Variants in SERPINA3 observed in about 807,000 individuals in gnomAD.
SERPINA3 encodes serpin family A member 3.
SERPINA3 carries 32 observed loss-of-function variants against 26.8 expected under a neutral mutation model. That is an observed-to-expected ratio of 1.20 (90% CI 0.90 to 1.61). The LOEUF is 1.61. Among genes scored for constraint, SERPINA3 ranks in the 40% most tolerant of loss-of-function variants. The probability of loss-of-function intolerance (pLI) is 0.00; values close to 1 mark genes in which losing one functional copy is unlikely to be tolerated. For missense variants in SERPINA3, 632 were observed against 517.9 expected, an observed-to-expected ratio of 1.22 and a Z score of -2.14; for synonymous variants, 252 against 206.4, an observed-to-expected ratio of 1.22 and a Z score of -1.89.
chr14:94,615,131 A>C, intron 2 of SERPINA3, 47 bp downstream of exon 2: 2 of 1,595,872 alleles, frequency 1.3e-6, no homozygotes, highest in South Asian at 2.2e-5. Flanking sequence ...TCTCAGGGCC[A>C]TTTCTGTCCT....
intron 4 of SERPINA3, among the ~76,000 whole-genome samples, chr14:94,623,161 G>A (rs1033220008): frequency 6.6e-6 from 1 of 152,212 alleles, no homozygotes; most frequent in African/African-American, 2.4e-5. Flanking sequence ...GGATGTTTAA[G>A]CTAGAGCAGG....
intron 4 of SERPINA3, chr14:94,622,706 C>T (rs1886251121): frequency 1.6e-6 from 1 of 608,370 alleles, no homozygotes; most frequent in Non-Finnish European, 3.0e-6. Context: ...AACATAATGT[C>T]ATCCAGGCTT....
intron 2 of SERPINA3, 64 bp from the exon 3 acceptor site, chr14:94,619,131 A>AAGCAGGGTCG: frequency 2.5e-6 from 4 of 1,593,460 alleles, no homozygotes; most frequent in Non-Finnish European, 3.4e-6. Flanking sequence ...ACTGCTGCGG[A>AAGCAGGGTCG]AGCAGGGTCG....
chr14:94,622,030 G>C (rs1228535047), intron 3 of SERPINA3, among the ~76,000 whole-genome samples: 1 of 152,220 alleles, frequency 6.6e-6, no homozygotes, highest in African/African-American at 2.4e-5. Context: ...CACACTCAGG[G>C]GTCCCTGCTG....
In SERPINA3 at chr14:94,623,787, C is replaced by A. The variant is rs774521930; in HGVS notation, c.1245C>A (p.Ser415Arg). The change falls in exon 5 of 5, where the codon AGC (serine) becomes AGA (arginine). Residue 415 changes from serine to arginine, a missense_variant. Physicochemically the swap from Ser to Arg is moderately radical, Grantham distance 110. Transcript: ENST00000393078. ...PTDTQNIFFM[S>R]KVTNPKQA is the part of the protein sequence containing the mutation. ...ACACCCAGAACATCTTCTTCATGAG[C>A]AAAGTCACCAATCCCAAGCAAGCCT... 6.9e-5 allele frequency: 111 copies of A among 1,613,988 alleles called. No homozygotes were observed. The highest frequency in any genetic ancestry group is 8.6e-5 in the Non-Finnish European group (102 of 1,180,032).
chr14:94,614,197 C>G, intron 1 of SERPINA3: 1 of 556,410 alleles, frequency 1.8e-6, no homozygotes, highest in Admixed American at 3.0e-5. Context: ...CCTCACCGCT[C>G]TGTGCCCGGC....
chr14:94,622,270 T>C, intron 3 of SERPINA3, 71 bp from the exon 4 acceptor site: 6 of 1,438,928 alleles, frequency 4.2e-6, no homozygotes, highest in South Asian at 1.1e-5. Flanking sequence ...GGGAAGACCA[T>C]GCTGCGAGGT....
In SERPINA3 at chr14:94,614,510, C is replaced by T. The variant is rs1303905509; in HGVS notation, c.69C>T (p.Cys23=). The T allele has an allele frequency of 1.9e-6, 3 of 1,613,900 alleles. No homozygotes were observed. Among genetic ancestry groups the T allele is most frequent in the Middle Eastern group, 3.3e-4 (2 of 6,062 alleles). ...CTGGGTTCTGCCCTGCTGTCCTCTGCCACCCTAACAGCCCACTTGACGAGG... is the reference window on the plus strand; with the variant it reads ...CTGGGTTCTGCCCTGCTGTCCTCTGTCACCCTAACAGCCCACTTGACGAGG... ...LAAGFCPAVL[C]HPNSPLDEEN... is the part of the protein sequence containing the mutation. The change falls in exon 2 of 5, where the codon TGC becomes TGT. Residue 23 remains cysteine (C), a synonymous_variant. Transcript: ENST00000393078.
intron 2 of SERPINA3, among the ~76,000 whole-genome samples, chr14:94,616,921 G>A (rs1886026838): frequency 6.6e-6 from 1 of 152,072 alleles, no homozygotes; most frequent in African/African-American, 2.4e-5. Context: ...GGGGGGAGAT[G>A]GGAGCAGATG....
At chr14:94,622,562 T>G in intron 4 of SERPINA3, 71 bp downstream of exon 4, 1 of 1,544,788 alleles carries the variant, frequency 6.5e-7, no homozygotes. Context: ...AGATGGACTT[T>G]TGGGTACTCT....
At chr14:94,619,587 AC>A in intron 3 of SERPINA3, 119 bp downstream of exon 3, 1 of 1,286,972 alleles carries the variant, frequency 7.8e-7, no homozygotes, top group South Asian at 1.2e-5. Flanking sequence ...ATTTACACTT[AC>A]TTTGCCCTAT....
Position 94,619,357 on chromosome 14 carries a change from C to A in SERPINA3, c.806C>A (p.Thr269Lys). Reference protein sequence around the residue: ...LSCTVVELKYTGNASALFILP... With the variant: ...LSCTVVELKYKGNASALFILP... ...TGCACCGTGGTGGAGCTGAAGTACA[C>A]AGGCAATGCCAGCGCACTCTTCATC... The change falls in exon 3 of 5, where the codon ACA becomes AAA. Residue 269 changes from threonine to lysine, a missense_variant. Physicochemically the swap from Thr to Lys is moderately conservative, Grantham distance 78 (BLOSUM62 -1). Coordinates refer to ENST00000393078, the MANE Select transcript of SERPINA3 (RefSeq NM_001085.5). 2 of 1,614,192 alleles carry A rather than the reference C, an allele frequency of 1.2e-6. No homozygotes were observed. The highest frequency in any genetic ancestry group is 1.7e-6 in the Non-Finnish European group (2 of 1,180,028).
rs1886285550 is a variant in SERPINA3 at position 94,623,610 on chromosome 14, G to C, written c.1069-1G>C. 1 of 1,613,768 alleles carries C rather than the reference G, an allele frequency of 6.2e-7. No homozygotes were observed. Among genetic ancestry groups the C allele is most frequent in the African/African-American group, 1.3e-5 (1 of 74,906 alleles). On this transcript the variant is annotated splice_acceptor_variant, in intron 4 of 4. Transcript: ENST00000393078. LOFTEE classifies it high-confidence loss of function. ...TGTGTAATGTTCTGCTGTCCCCACA[G>C]GTGGTCCATAAGGCTGTGCTTGATG...
Position 94,614,730 on chromosome 14 carries a change from A to G in SERPINA3, c.289A>G (p.Thr97Ala). 1.2e-6 allele frequency: 2 copies of G among 1,614,116 alleles called. No individual in the cohort carries two copies. The highest frequency in any genetic ancestry group is 1.7e-6 in the Non-Finnish European group (2 of 1,180,024). ...LSLGAHNTTLTEILKGLKFNL... is the reference protein window; with the variant it reads ...LSLGAHNTTLAEILKGLKFNL... ...TCTGGGGGCCCATAATACCACCCTG[A>G]CAGAGATTCTCAAAGGCCTCAAGTT... The change falls in exon 2 of 5, where the codon ACA becomes GCA. Residue 97 changes from threonine to alanine, a missense_variant. Thr to Ala is a moderately conservative substitution (Grantham distance 58, BLOSUM62 0). Transcript: ENST00000393078.
At chr14:94,616,931 G>T (rs1886027237) in intron 2 of SERPINA3, among the ~76,000 whole-genome samples, 1 of 152,144 alleles carries the variant, frequency 6.6e-6, no homozygotes. Context: ...GGGAGCAGAT[G>T]TGAGAAGATT....
Position 94,624,048 on chromosome 14 carries a change from G to T in SERPINA3, c.*234G>T, listed in dbSNP as rs185852039. On this transcript the variant is annotated 3_prime_UTR_variant, in exon 5 of 5. Coordinates refer to ENST00000393078, the MANE Select transcript of SERPINA3 (RefSeq NM_001085.5). ...CCTCCTGACAGCAATAAATAATTTC[G>T]TTGGACACGTTGCTTGTGCCTTTCC... The T allele has an allele frequency of 1.7e-6, 1 of 578,546 alleles. No homozygotes were observed. The allele number at this position is 578,546 out of a possible 1,614,324, so 35.8% of individuals were successfully genotyped here.
In SERPINA3 at chr14:94,615,484, G is replaced by A. The variant is rs938890997; in HGVS notation, c.643+400G>A. ...GTCCCTCTGTCTGGATGCACCTGGG[G>A]CTCCTGCCCTGCACATGTGGGAGGA... On this transcript the variant is annotated intron_variant, in intron 2 of 4. Transcript: ENST00000393078. The A allele has an allele frequency of 1.3e-5, 6 of 459,386 alleles. No homozygotes were observed. The East Asian group carries it at 3.4e-4, about 26-fold the overall frequency. 28.5% of individuals were successfully genotyped at this position (459,386 alleles called of 1,614,324 possible). A position where few individuals can be genotyped will look rare whatever the true frequency, so the allele number is the denominator to read the frequency against.
At position 94,619,411 on chromosome 14, in the gene SERPINA3, T is replaced by C. The variant is rs1161329696; in HGVS notation, c.860T>C (p.Val287Ala). 1 of 1,614,034 alleles carries C rather than the reference T, an allele frequency of 6.2e-7. No homozygotes were observed. The highest frequency in any genetic ancestry group is 1.3e-5 in the African/African-American group (1 of 74,990). The change falls in exon 3 of 5, where the codon GTG becomes GCG. Residue 287 changes from valine to alanine, a missense_variant. Coordinates refer to ENST00000393078, the MANE Select transcript of SERPINA3 (RefSeq NM_001085.5). ...ILPDQDKMEE[V>A]EAMLLPETLK... ...CCTGATCAAGACAAGATGGAGGAAG[T>C]GGAAGCCATGCTGCTCCCAGAGACC...
chr14:94,615,054 AT>A lies in SERPINA3; in HGVS notation c.614del (p.Met205ArgfsTer4), dbSNP rs757522758. 8.7e-6 allele frequency: 14 copies of A among 1,614,002 alleles called. No individual in the cohort carries two copies. Among genetic ancestry groups the A allele is most frequent in the Non-Finnish European group, 1.0e-5 (12 of 1,180,034 alleles). On this transcript the variant is annotated frameshift_variant, in exon 2 of 5. Coordinates refer to ENST00000393078, the MANE Select transcript of SERPINA3 (RefSeq NM_001085.5). LOFTEE classifies it high-confidence loss of function. ...CAAGGACCTTGACTCGCAGACAATG[AT>A]GGTCCTGGTGAATTACATCTTCTTT... ...LIKDLDSQTM[M>X]VLVNYIFFKA...
Sources: gnomAD v4.1 joint callset for allele counts (sites outside exome capture counted in the v4.1 genomes callset) on GRCh38, gnomAD v4.1.1 for gene constraint, MANE v1.5 for transcripts, NCBI Gene and HGNC (gene_info 2026-07-23, HGNC 2026-07-21) for gene names.